Variants in PACRG observed in about 807,000 individuals in gnomAD.
PACRG encodes the protein parkin coregulated gene protein.
PACRG carries 29 observed loss-of-function variants against 29.7 expected under a neutral mutation model. The observed-to-expected ratio is 0.98, with a 90% CI of 0.73 to 1.33. The LOEUF (loss-of-function observed/expected upper bound fraction) is 1.33, where lower values mean the gene tolerates loss of function less well. Among genes scored for constraint, PACRG ranks in the 40% most tolerant of loss-of-function variants. PACRG has a pLI of 0.00. For missense variants in PACRG, 279 were observed against 316.2 expected, an observed-to-expected ratio of 0.88 and a Z score of 0.89; for synonymous variants, 116 against 118.7, an observed-to-expected ratio of 0.98 and a Z score of 0.15.
intron 3 of PACRG, among the ~76,000 whole-genome samples, chr6:163,079,890 CTTTTTT>C (rs67162530): frequency 1.3e-5 from 1 of 78,678 alleles, no homozygotes. Context: ...AGCAGTCATT[CTTTTTT>C]TTTTTTTTTT....
At chr6:162,988,938 A>G (rs1432790428) in intron 2 of PACRG, among the ~76,000 whole-genome samples, 1 of 152,210 alleles carries the variant, frequency 6.6e-6, no homozygotes, top group African/African-American at 2.4e-5. Flanking sequence ...CTGACTGGTG[A>G]AACTATTGGT....
chr6:163,184,192 G>T (rs545451557), intron 4 of PACRG, among the ~76,000 whole-genome samples: 18 of 152,114 alleles, frequency 1.2e-4, no homozygotes, highest in Non-Finnish European at 2.2e-4. Flanking sequence ...CCTTGTGCTC[G>T]GTTCCTTAAG....
Position 163,063,162 on chromosome 6 carries a change from G to A in PACRG, c.463+841G>A, listed in dbSNP as rs1487659896. Among the ~76,000 whole-genome samples the A allele has an allele frequency of 6.6e-5, 10 of 152,206 alleles. No homozygotes were observed. In the East Asian group the frequency reaches 1.4e-3, roughly 21 times the overall value. On this transcript the variant is annotated intron_variant, in intron 3 of 4. Coordinates refer to ENST00000366888, the MANE Select transcript of PACRG (RefSeq NM_001080379.2). ...GTCCTGCATTGCTACTGCTGCTACT[G>A]CTACTACTAATTAAAAGCAGAGGAT...
chr6:162,947,349 A>ATATGATATATATATGAT (rs1491156729), intron 2 of PACRG, among the ~76,000 whole-genome samples: 5 of 41,756 alleles, frequency 1.2e-4, no homozygotes, highest in Admixed American at 3.5e-4. Context: ...TATAATGATT[A>ATATGATATATATATGAT]CATATATATA....
At chr6:162,794,072 A>T (rs768032502) in intron 1 of PACRG, among the ~76,000 whole-genome samples, 11 of 152,190 alleles carry the variant, frequency 7.2e-5, no homozygotes, top group Non-Finnish European at 1.5e-4. Context: ...AAGTGTATCC[A>T]TTTACACTCA....
At chr6:163,239,901 G>A (rs1336023647) in intron 4 of PACRG, among the ~76,000 whole-genome samples, 2 of 118,802 alleles carry the variant, frequency 1.7e-5, no homozygotes, top group East Asian at 5.5e-4. Flanking sequence ...CACTCACACT[G>A]TCACACGCTC....
chr6:162,925,591 T>C (rs1797375120), intron 2 of PACRG, among the ~76,000 whole-genome samples: 1 of 152,078 alleles, frequency 6.6e-6, no homozygotes. Context: ...TGCAAAGTCC[T>C]TCAATAAAAT....
chr6:163,034,999 C>G (rs1431050149), intron 2 of PACRG, among the ~76,000 whole-genome samples: 1 of 152,192 alleles, frequency 6.6e-6, no homozygotes, highest in East Asian at 1.9e-4. Flanking sequence ...ATGCCTCCCC[C>G]TTTCAAACCA....
At chr6:162,728,574 GAA>G (rs1385582523) in intron 1 of PACRG, among the ~76,000 whole-genome samples, 183 bp downstream of exon 1, 1 of 152,140 alleles carries the variant, frequency 6.6e-6, no homozygotes, top group African/African-American at 2.4e-5. Flanking sequence ...TAGGTTGTTA[GAA>G]TCTTGGGCAA....
intron 2 of PACRG, among the ~76,000 whole-genome samples, chr6:162,990,835 A>T (rs1490777464): frequency 7.6e-6 from 1 of 131,346 alleles, no homozygotes; most frequent in Non-Finnish European, 1.5e-5. Flanking sequence ...CTGAATGGTA[A>T]TGCCTAGGTT....
intron 1 of PACRG, among the ~76,000 whole-genome samples, chr6:162,759,755 G>A (rs546872294): frequency 6.6e-6 from 1 of 152,228 alleles, no homozygotes; most frequent in East Asian, 1.9e-4. Context: ...TGATTATATA[G>A]GAACTATTAT....
intron 4 of PACRG, among the ~76,000 whole-genome samples, chr6:163,279,460 A>G (rs959281181): frequency 2.6e-5 from 4 of 152,168 alleles, no homozygotes; most frequent in African/African-American, 9.7e-5. Flanking sequence ...CTGTTTACCA[A>G]GTTTTCCCTA....
intron 2 of PACRG, among the ~76,000 whole-genome samples, chr6:162,888,329 A>G (rs540965055): frequency 1.3e-5 from 2 of 152,194 alleles, no homozygotes; most frequent in South Asian, 4.1e-4. Flanking sequence ...CTCTTTCAGC[A>G]CGTGGTGCCA....
In PACRG at chr6:163,290,276, GCGCACACA is replaced by G. The variant is rs1192388952; in HGVS notation, c.614-24549_614-24542del. Among the ~76,000 whole-genome samples, 819 of 127,684 alleles carry G rather than the reference GCGCACACA, an allele frequency of 6.4e-3. 3 individuals carry two copies. The highest frequency in any genetic ancestry group is 0.02 in the African/African-American group (624 of 30,742). 83.8% of individuals were successfully genotyped at this position (127,684 alleles called of 152,430 possible). On this transcript the variant is annotated intron_variant, in intron 4 of 4. Transcript: ENST00000366888. ...CACATGTGCGCATGCACGCGCGCGCGCGCACACACACACACACACACACACACACACAC... is the reference window on the plus strand; with the variant it reads ...CACATGTGCGCATGCACGCGCGCGCGCACACACACACACACACACACACAC...
chr6:162,790,844 C>CT (rs1415634472), intron 1 of PACRG, among the ~76,000 whole-genome samples: 1 of 152,170 alleles, frequency 6.6e-6, no homozygotes, highest in African/African-American at 2.4e-5. Flanking sequence ...CTGAATAAGT[C>CT]TTTTAACTTA....
At chr6:163,116,245 A>G (rs1397045135) in intron 4 of PACRG, among the ~76,000 whole-genome samples, 2 of 152,204 alleles carry the variant, frequency 1.3e-5, no homozygotes, top group Admixed American at 6.5e-5. Flanking sequence ...CCCGTCTTAC[A>G]TGGTTGGAGC....
intron 2 of PACRG, among the ~76,000 whole-genome samples, chr6:162,905,139 T>C (rs1562718210): frequency 6.6e-6 from 1 of 152,140 alleles, no homozygotes; most frequent in Non-Finnish European, 1.5e-5. Flanking sequence ...GGTGGTGGCC[T>C]CGTTGCCTGA....
At chr6:162,883,745 C>T (rs1349391640) in intron 2 of PACRG, among the ~76,000 whole-genome samples, 1 of 150,812 alleles carries the variant, frequency 6.6e-6, no homozygotes, top group Non-Finnish European at 1.5e-5. Flanking sequence ...TACACACATA[C>T]AGTTGACTCT....
intron 2 of PACRG, among the ~76,000 whole-genome samples, chr6:162,985,602 A>G (rs1429724722): frequency 6.6e-6 from 1 of 152,122 alleles, no homozygotes; most frequent in Non-Finnish European, 1.5e-5. Context: ...CCAACATTAT[A>G]CTGAATGGGG....
Sources: allele counts gnomAD v4.1 joint callset (sites outside exome capture counted in the v4.1 genomes callset), GRCh38; gene constraint gnomAD v4.1.1; transcripts MANE v1.5; gene names NCBI Gene and HGNC (gene_info 2026-07-23, HGNC 2026-07-21).